NPSR1: variants seen among roughly 807,000 people sequenced by gnomAD.
The protein encoded by NPSR1 is neuropeptide S receptor 1.
A neutral mutation model predicts 46.9 loss-of-function variants in NPSR1; 48 were observed. The ratio of observed to expected loss-of-function variants is 1.02; its 90% CI spans 0.81 to 1.30. The LOEUF (loss-of-function observed/expected upper bound fraction) is 1.30, where lower values mean the gene tolerates loss of function less well. Among genes scored for constraint, NPSR1 ranks in the 50% most tolerant of loss-of-function variants. The probability of loss-of-function intolerance (pLI) is 0.00; values close to 1 mark genes in which losing one functional copy is unlikely to be tolerated. For missense variants in NPSR1, 450 were observed against 449.5 expected, an observed-to-expected ratio of 1.00 and a Z score of -0.01; for synonymous variants, 176 against 168.1, an observed-to-expected ratio of 1.05 and a Z score of -0.36.
intron 7 of NPSR1, 145 bp from the exon 8 acceptor site, chr7:34,848,338 A>G (rs543860353): frequency 3.1e-5 from 22 of 698,856 alleles, no homozygotes; most frequent in Middle Eastern, 2.9e-4. Context: ...TATGACATCA[A>G]TGCTCCAAAC....
At chr7:34,846,098 C>T (rs1057137044) in intron 7 of NPSR1, among the ~76,000 whole-genome samples, 1 of 152,172 alleles carries the variant, frequency 6.6e-6, no homozygotes, top group Non-Finnish European at 1.5e-5. Flanking sequence ...CATATACAAC[C>T]CACCAGGGCT....
intron 6 of NPSR1, among the ~76,000 whole-genome samples, chr7:34,844,459 T>G (rs111592093): frequency 1.9e-4 from 27 of 145,852 alleles, no homozygotes; most frequent in East Asian, 3.9e-4. Context: ...TGTTTTTTTG[T>G]TTTTTTTTTG....
At chr7:34,710,859 A>C (rs1783245901) in intron 2 of NPSR1, 1 of 478,294 alleles carries the variant, frequency 2.1e-6, no homozygotes, top group Non-Finnish European at 3.9e-6. Context: ...CCTGAGAAAC[A>C]AGTTTGCCTC....
intron 1 of NPSR1, among the ~76,000 whole-genome samples, chr7:34,682,891 G>A (rs1228014521): frequency 6.6e-6 from 1 of 152,162 alleles, no homozygotes; most frequent in Non-Finnish European, 1.5e-5. Flanking sequence ...CAAAGATGCT[G>A]CCTCCAAGTG....
chr7:34,833,879 C>T (rs988529763), intron 5 of NPSR1, among the ~76,000 whole-genome samples: 1 of 152,166 alleles, frequency 6.6e-6, no homozygotes, highest in Non-Finnish European at 1.5e-5. Context: ...ACAAGACAGG[C>T]ACTACATTCT....
chr7:34,793,158 T>C (rs1307767550), intron 3 of NPSR1, among the ~76,000 whole-genome samples: 1 of 151,652 alleles, frequency 6.6e-6, no homozygotes, highest in Non-Finnish European at 1.5e-5. Context: ...GAGACCCCCA[T>C]CTAGGAAAAC....
At chr7:34,801,835 T>C (rs531207338) in intron 3 of NPSR1, among the ~76,000 whole-genome samples, 49 of 149,340 alleles carry the variant, frequency 3.3e-4, no homozygotes, top group Non-Finnish European at 5.6e-4. Context: ...CAGCCCCAAA[T>C]CTCCTTAAGC....
chr7:34,837,923 A>G (rs1003165929), intron 6 of NPSR1, among the ~76,000 whole-genome samples: 7 of 152,110 alleles, frequency 4.6e-5, no homozygotes, highest in African/African-American at 1.7e-4. Context: ...GTGGAGACCA[A>G]TTTTGTGGAG....
At chr7:34,730,778 G>A (rs1211002214) in intron 2 of NPSR1, among the ~76,000 whole-genome samples, 1 of 152,090 alleles carries the variant, frequency 6.6e-6, no homozygotes, top group Non-Finnish European at 1.5e-5. Flanking sequence ...ATTTGGTTGT[G>A]TGTCTGTTAT....
intron 3 of NPSR1, among the ~76,000 whole-genome samples, chr7:34,785,187 A>AATACTATGC (rs1787405584): frequency 6.6e-6 from 1 of 151,962 alleles, no homozygotes; most frequent in Admixed American, 6.6e-5. Context: ...TACACCACGG[A>AATACTATGC]ATACTATGCA....
chr7:34,663,880 C>A (rs911281433), intron 1 of NPSR1, among the ~76,000 whole-genome samples: 5 of 152,204 alleles, frequency 3.3e-5, no homozygotes, highest in Non-Finnish European at 5.9e-5. Flanking sequence ...CCAGTGCTGA[C>A]TTGTTTCTGT....
intron 7 of NPSR1, 31 bp downstream of exon 7, chr7:34,845,013 T>G: frequency 6.6e-7 from 1 of 1,504,974 alleles, no homozygotes; most frequent in South Asian, 1.1e-5. Flanking sequence ...AGCTGTAAAG[T>G]GGTATGAACG....
At chr7:34,764,656 C>A (rs1786347379) in intron 2 of NPSR1, among the ~76,000 whole-genome samples, 1 of 152,186 alleles carries the variant, frequency 6.6e-6, no homozygotes, top group Admixed American at 6.5e-5. Context: ...TGTTGCCCCA[C>A]AGAGCACTAA....
At chr7:34,827,361 T>A in intron 4 of NPSR1, 40 bp from the exon 5 acceptor site, 1 of 1,588,786 alleles carries the variant, frequency 6.3e-7, no homozygotes, top group Non-Finnish European at 8.6e-7. Context: ...CCAAAAATGG[T>A]TGCCACATAC....
At chr7:34,859,082 G>A (rs28376876) in intron 8 of NPSR1, among the ~76,000 whole-genome samples, 2,941 of 151,728 alleles carry the variant, frequency 0.019, 173 homozygotes, top group African/African-American at 0.065. Context: ...ACTAGAAACA[G>A]GGAGGTGATC....
intron 2 of NPSR1, among the ~76,000 whole-genome samples, chr7:34,763,726 A>G (rs963422714): frequency 1.3e-5 from 2 of 152,152 alleles, no homozygotes; most frequent in Admixed American, 1.3e-4. Flanking sequence ...AAGAAATGGC[A>G]TGGCAGAGTG....
chr7:34,703,403 T>G (rs1214222475), intron 2 of NPSR1, among the ~76,000 whole-genome samples: 2 of 122,142 alleles, frequency 1.6e-5, no homozygotes, highest in Non-Finnish European at 1.7e-5. Flanking sequence ...AATAAATAAA[T>G]AAAGCATTTT....
At chr7:34,707,934 A>G (rs1029474323) in intron 2 of NPSR1, among the ~76,000 whole-genome samples, 2 of 152,108 alleles carry the variant, frequency 1.3e-5, no homozygotes, top group East Asian at 3.8e-4. Flanking sequence ...TTCTCATTGG[A>G]TTGTAGATGG....
intron 1 of NPSR1, among the ~76,000 whole-genome samples, chr7:34,660,573 A>C (rs1219105163): frequency 3.3e-5 from 5 of 152,102 alleles, no homozygotes; most frequent in African/African-American, 1.2e-4. Context: ...AAAAGCAGTA[A>C]AAAAAATAGC....
Sources: gnomAD v4.1 joint callset for allele counts (sites outside exome capture counted in the v4.1 genomes callset) on GRCh38, gnomAD v4.1.1 for gene constraint, MANE v1.5 for transcripts, NCBI Gene and HGNC (gene_info 2026-07-23, HGNC 2026-07-21) for gene names.